MACROD2: variants seen among roughly 807,000 people sequenced by gnomAD.
MACROD2 encodes the protein ADP-ribose glycohydrolase MACROD2.
Under a neutral mutation model 70.4 loss-of-function variants are expected in MACROD2, and 36 were observed. The ratio of observed to expected loss-of-function variants is 0.51; its 90% CI spans 0.39 to 0.68. The LOEUF (loss-of-function observed/expected upper bound fraction) is 0.68. Among genes scored for constraint, MACROD2 ranks in the 30% least tolerant of loss-of-function variants. The pLI, the probability that MACROD2 is intolerant of heterozygous loss-of-function variation, is 0.00. For synonymous variants in MACROD2, 172 were observed against 178.8 expected (o/e 0.96, Z 0.30); for missense variants, 496 against 538.4 (o/e 0.92, Z 0.78).
intron 8 of MACROD2, among the ~76,000 whole-genome samples, chr20:15,724,542 A>G (rs901298720): frequency 5.3e-5 from 8 of 151,960 alleles, no homozygotes; most frequent in African/African-American, 9.7e-5. Flanking sequence ...TTAAAAGACT[A>G]TCTTTGTTCT....
intron 4 of MACROD2, among the ~76,000 whole-genome samples, chr20:14,593,783 CTATT>C (rs1981936025): frequency 6.6e-6 from 1 of 152,010 alleles, no homozygotes; most frequent in African/African-American, 2.4e-5. Context: ...TATATAGAGT[CTATT>C]TATTCATATT....
At chr20:14,614,841 AT>A (rs1983383078) in intron 4 of MACROD2, among the ~76,000 whole-genome samples, 1 of 152,120 alleles carries the variant, frequency 6.6e-6, no homozygotes, top group Non-Finnish European at 1.5e-5. Flanking sequence ...AGAGTTTATA[AT>A]TTAGTATGAA....
intron 3 of MACROD2, among the ~76,000 whole-genome samples, chr20:14,207,234 A>G (rs2081531562): frequency 6.6e-6 from 1 of 151,926 alleles, no homozygotes; most frequent in South Asian, 2.1e-4. Flanking sequence ...AGTAGCTGGG[A>G]TTACAGGCAC....
At chr20:15,827,452 T>G (rs2064009507) in intron 8 of MACROD2, among the ~76,000 whole-genome samples, 1 of 152,196 alleles carries the variant, frequency 6.6e-6, no homozygotes, top group Non-Finnish European at 1.5e-5. Flanking sequence ...TGCAAGAAGT[T>G]TCTTCAAAAC....
At chr20:14,825,807 G>T (rs900264202) in intron 5 of MACROD2, among the ~76,000 whole-genome samples, 11 of 152,168 alleles carry the variant, frequency 7.2e-5, no homozygotes, top group African/African-American at 2.4e-4. Context: ...ATTTGGGCTT[G>T]TCTGAAAGGA....
At chr20:15,101,533 T>TAAAAAAAAAAA (rs1568573864) in intron 5 of MACROD2, among the ~76,000 whole-genome samples, 12 of 7,468 alleles carry the variant, frequency 1.6e-3, no homozygotes, top group African/African-American at 2.3e-3. Context: ...AGGTGTTGGT[T>TAAAAAAAAAAA]CAAAAAAAAA....
At position 14,051,859 on chromosome 20, in the gene MACROD2, A is replaced by C. The variant is rs929572614; in HGVS notation, c.164-33762A>C. The C allele has an allele frequency of 1.4e-5, 7 of 505,984 alleles. No homozygotes were observed. The East Asian group carries it at 3.3e-4, about 24-fold the overall frequency. The allele number at this position is 505,984 out of a possible 1,614,324, so 31.3% of individuals were successfully genotyped here. On this transcript the variant is annotated intron_variant, in intron 2 of 17. Coordinates refer to ENST00000684519, the MANE Select transcript of MACROD2 (RefSeq NM_001351661.2). Reference sequence around the variant, plus strand: ...CCATCCTTTTTGTGAGGAGATGGATATGATCCTTGGTTTCAATATGCCACA... The same window carrying C: ...CCATCCTTTTTGTGAGGAGATGGATCTGATCCTTGGTTTCAATATGCCACA...
At chr20:14,763,982 A>T (rs189868482) in intron 5 of MACROD2, among the ~76,000 whole-genome samples, 23 of 152,194 alleles carry the variant, frequency 1.5e-4, no homozygotes, top group Non-Finnish European at 2.6e-4. Flanking sequence ...AAGGATCTGC[A>T]CTGAGTATTT....
rs116439749 is a variant in MACROD2 at position 14,681,790 on chromosome 20, A to C, written c.302-3053A>C. Among the ~76,000 whole-genome samples the C allele has an allele frequency of 4.6e-5, 7 of 152,154 alleles. 1 individual carries two copies. The South Asian group carries it at 1.4e-3, about 31-fold the overall frequency. On this transcript the variant is annotated intron_variant, in intron 4 of 17. Transcript: ENST00000684519. ...TGGGAATTTAAAAGTAATGTAATAG[A>C]GTGCTTCGATATGCCACATGCAGGA... is the stretch of plus-strand genomic sequence containing the variant.
intron 3 of MACROD2, among the ~76,000 whole-genome samples, chr20:14,268,563 T>C (rs2082163785): frequency 6.6e-6 from 1 of 152,240 alleles, no homozygotes. Flanking sequence ...TTTCCATAGA[T>C]GATGGTATAT....
At chr20:15,756,679 C>CA (rs1244862167) in intron 8 of MACROD2, among the ~76,000 whole-genome samples, 1 of 152,090 alleles carries the variant, frequency 6.6e-6, no homozygotes, top group Non-Finnish European at 1.5e-5. Context: ...TTTTTGCACA[C>CA]AAAAATGCTT....
chr20:15,677,170 G>C (rs1376010371), intron 8 of MACROD2, among the ~76,000 whole-genome samples: 2 of 152,176 alleles, frequency 1.3e-5, no homozygotes, highest in Non-Finnish European at 2.9e-5. Context: ...CTGTAGTTTT[G>C]TTTTGGAGAA....
chr20:15,000,690 G>C (rs1341702452), intron 5 of MACROD2, among the ~76,000 whole-genome samples: 1 of 128,664 alleles, frequency 7.8e-6, no homozygotes, highest in Admixed American at 8.2e-5. Context: ...TGTTCATTTT[G>C]TGAAAGTTCA....
In MACROD2 at chr20:14,382,663, C is replaced by T. The variant is rs566989052; in HGVS notation, c.272-110816C>T. On this transcript the variant is annotated intron_variant, in intron 3 of 17. Coordinates refer to ENST00000684519, the MANE Select transcript of MACROD2 (RefSeq NM_001351661.2). ...AGTCTGGGCAAGAAGAGCAAAACTC[C>T]GTCTCAAAAAAGATATAAATAAATA... 7.8e-5 allele frequency among the ~76,000 whole-genome samples: 11 copies of T among 140,818 alleles called. No homozygotes were observed. The South Asian group carries it at 1.5e-3, about 19-fold the overall frequency. 92.4% of individuals were successfully genotyped at this position (140,818 alleles called of 152,430 possible). A position where few individuals can be genotyped will look rare whatever the true frequency, so the allele number is the denominator to read the frequency against.
At chr20:14,839,889 C>A (rs2073068674) in intron 5 of MACROD2, among the ~76,000 whole-genome samples, 2 of 152,064 alleles carry the variant, frequency 1.3e-5, no homozygotes, top group African/African-American at 2.4e-5. Flanking sequence ...TACCAGACAC[C>A]TTTTGCTCTC....
chr20:14,421,611 T>C (rs975478785), intron 3 of MACROD2, among the ~76,000 whole-genome samples: 1 of 152,314 alleles, frequency 6.6e-6, no homozygotes. Flanking sequence ...GATTTTATTT[T>C]CATTTGTCTT....
chr20:14,502,984 C>A (rs2084930681), intron 4 of MACROD2, among the ~76,000 whole-genome samples: 1 of 152,150 alleles, frequency 6.6e-6, no homozygotes, highest in African/African-American at 2.4e-5. Flanking sequence ...GGAATTCCAG[C>A]TTCATGCAAC....
At chr20:14,225,374 TC>T (rs1297636429) in intron 3 of MACROD2, among the ~76,000 whole-genome samples, 2 of 152,232 alleles carry the variant, frequency 1.3e-5, no homozygotes, top group Non-Finnish European at 2.9e-5. Context: ...AAAATCTGAT[TC>T]ATCTAATAGC....
At chr20:15,335,431 C>T (rs2078037661) in intron 6 of MACROD2, among the ~76,000 whole-genome samples, 1 of 151,160 alleles carries the variant, frequency 6.6e-6, no homozygotes, top group South Asian at 2.1e-4. Flanking sequence ...TTCTTTATGT[C>T]TGTTAAAATA....
Sources: gnomAD v4.1 joint callset for allele counts (sites outside exome capture counted in the v4.1 genomes callset) on GRCh38, gnomAD v4.1.1 for gene constraint, MANE v1.5 for transcripts, NCBI Gene and HGNC (gene_info 2026-07-23, HGNC 2026-07-21) for gene names.